Variants in SRGAP1 observed in about 807,000 individuals in gnomAD.
SRGAP1 encodes the protein SLIT-ROBO Rho GTPase-activating protein 1.
A neutral mutation model predicts 121.9 loss-of-function variants in SRGAP1; 43 were observed. The observed-to-expected ratio is 0.35, with a 90% CI of 0.28 to 0.46. The LOEUF (loss-of-function observed/expected upper bound fraction) is 0.46, where lower values mean the gene tolerates loss of function less well. Among genes scored for constraint, SRGAP1 ranks in the 20% least tolerant of loss-of-function variants. The pLI is 1.00. For synonymous variants in SRGAP1, 447 were observed against 485.4 expected (o/e 0.92, Z 1.04); for missense variants, 1,102 against 1,350.9 (o/e 0.82, Z 2.89).
At chr12:64,043,086 T>G in intron 5 of SRGAP1, 114 bp downstream of exon 5, 10 of 726,540 alleles carry the variant, frequency 1.4e-5, no homozygotes, top group Admixed American at 2.7e-5. Flanking sequence ...AGACATGCAT[T>G]TCCTCCCATG....
intron 2 of SRGAP1, 49 bp from the exon 3 acceptor site, chr12:63,989,861 T>C (rs546121443): frequency 7.3e-6 from 11 of 1,516,668 alleles, no homozygotes; most frequent in Non-Finnish European, 9.9e-6. Flanking sequence ...CTCATCTGAT[T>C]GGGGCAACTT....
At chr12:64,061,218 A>G (rs1405251394) in intron 6 of SRGAP1, among the ~76,000 whole-genome samples, 1 of 152,196 alleles carries the variant, frequency 6.6e-6, no homozygotes, top group Non-Finnish European at 1.5e-5. Flanking sequence ...ATTCCTAGGA[A>G]TACTAAATGA....
chr12:64,031,176 G>C (rs944637702), intron 4 of SRGAP1, among the ~76,000 whole-genome samples: 1 of 151,870 alleles, frequency 6.6e-6, no homozygotes, highest in African/African-American at 2.4e-5. Context: ...AAGTTAGCCG[G>C]GTGTGGTGGC....
chr12:63,976,933 G>A (rs2033110428), intron 1 of SRGAP1, among the ~76,000 whole-genome samples: 2 of 151,888 alleles, frequency 1.3e-5, no homozygotes, highest in Admixed American at 6.6e-5. Flanking sequence ...ACATCCTGAC[G>A]CTTCCTAATT....
chr12:63,904,522 A>G (rs542557771), intron 1 of SRGAP1, among the ~76,000 whole-genome samples: 1 of 152,324 alleles, frequency 6.6e-6, no homozygotes, highest in South Asian at 2.1e-4. Context: ...TGTATGTGGC[A>G]CTGTCCTTGT....
chr12:64,153,935 A>G lies in SRGAP1; in HGVS notation c.*11263A>G, dbSNP rs1370279883. Reference sequence around the variant, plus strand: ...AATGGGTAAAGAAAATGTGCCATACACATAAAATAGAATATTATGCAGCCT... The same window carrying G: ...AATGGGTAAAGAAAATGTGCCATACGCATAAAATAGAATATTATGCAGCCT... On this transcript the variant is annotated 3_prime_UTR_variant, in exon 22 of 22. Transcript: ENST00000355086. 1 of 152,236 alleles carries G rather than the reference A, an allele frequency of 6.6e-6. No homozygotes were observed. The highest frequency in any genetic ancestry group is 1.5e-5 in the Non-Finnish European group (1 of 68,038). The allele number at this position is 152,236 out of a possible 1,614,324, so 9.4% of individuals were successfully genotyped here.
rs747601728 is a variant in SRGAP1 at position 64,063,054 on chromosome 12, C to T, written c.939C>T (p.Ser313=). 4.3e-6 allele frequency: 7 copies of T among 1,614,042 alleles called. No individual in the cohort carries two copies. The highest frequency in any genetic ancestry group is 3.3e-5 in the South Asian group (3 of 91,080). The change falls in exon 7 of 22, where the codon AGC becomes AGT. Residue 313 remains serine, a synonymous_variant. Coordinates refer to ENST00000355086, the MANE Select transcript of SRGAP1 (RefSeq NM_020762.4). ...ENAVDNLEPR[S]DKQRFMEMYP... ...CAGTTGATAATTTAGAGCCCAGGAGCGATAAGCAGAGATTCATGGAGATGT... is the reference window on the plus strand; with the variant it reads ...CAGTTGATAATTTAGAGCCCAGGAGTGATAAGCAGAGATTCATGGAGATGT...
intron 1 of SRGAP1, among the ~76,000 whole-genome samples, chr12:63,881,202 G>A (rs1179687168): frequency 6.6e-6 from 1 of 152,160 alleles, no homozygotes; most frequent in African/African-American, 2.4e-5. Context: ...GTGAACATAT[G>A]ACTGGGCTGG....
At chr12:64,025,154 A>T (rs987847503) in intron 4 of SRGAP1, among the ~76,000 whole-genome samples, 3 of 54,610 alleles carry the variant, frequency 5.5e-5, no homozygotes, top group Non-Finnish European at 1.0e-4. Context: ...CGTTTAAATA[A>T]AAAAAAAAAA....
In SRGAP1 at chr12:64,153,110, G is replaced by A. The variant is rs1346627462; in HGVS notation, c.*10438G>A. ...TGTGGTAGCATTTGAGCTAAGACCT[G>A]AATAATGAGAAGGAACCAGCCATGT... On this transcript the variant is annotated 3_prime_UTR_variant, in exon 22 of 22. Transcript: ENST00000355086. The A allele has an allele frequency of 6.6e-6, 1 of 151,610 alleles. No homozygotes were observed. Among genetic ancestry groups the A allele is most frequent in the Non-Finnish European group, 1.5e-5 (1 of 67,988 alleles). The allele number at this position is 151,610 out of a possible 1,614,324, so 9.4% of individuals were successfully genotyped here. A position where few individuals can be genotyped will look rare whatever the true frequency, so the allele number is the denominator to read the frequency against.
chr12:63,901,562 T>C (rs184236571), intron 1 of SRGAP1, among the ~76,000 whole-genome samples: 1 of 152,344 alleles, frequency 6.6e-6, no homozygotes, highest in East Asian at 1.9e-4. Context: ...CGCTCCATAA[T>C]CTTGGCCTAT....
intron 21 of SRGAP1, 130 bp downstream of exon 21, chr12:64,128,330 A>G: frequency 2.1e-6 from 2 of 957,350 alleles, no homozygotes; most frequent in Non-Finnish European, 3.0e-6. Flanking sequence ...TAAAGAAAAC[A>G]GAAACAAAAC....
At chr12:63,861,070 A>G (rs1053654575) in intron 1 of SRGAP1, among the ~76,000 whole-genome samples, 11 of 150,202 alleles carry the variant, frequency 7.3e-5, no homozygotes, top group Middle Eastern at 3.2e-3. Flanking sequence ...CTCAGTTATT[A>G]TTTTTAAAGT....
At chr12:63,937,028 C>T (rs1178626204) in intron 1 of SRGAP1, among the ~76,000 whole-genome samples, 1 of 152,140 alleles carries the variant, frequency 6.6e-6, no homozygotes, top group Non-Finnish European at 1.5e-5. Context: ...AATGCCTGTT[C>T]TATGCCCAGG....
intron 1 of SRGAP1, among the ~76,000 whole-genome samples, chr12:63,915,843 C>T (rs576158020): frequency 6.6e-6 from 1 of 152,256 alleles, no homozygotes; most frequent in East Asian, 1.9e-4. Flanking sequence ...ACGTTTTGAG[C>T]AGCCTTTCAC....
intron 6 of SRGAP1, among the ~76,000 whole-genome samples, chr12:64,049,575 A>G (rs2035198198): frequency 6.6e-6 from 1 of 152,190 alleles, no homozygotes; most frequent in East Asian, 1.9e-4. Flanking sequence ...GGTCCTTCAC[A>G]TGACATGTGG....
intron 3 of SRGAP1, among the ~76,000 whole-genome samples, chr12:64,000,950 A>C (rs2033875648): frequency 3.3e-5 from 5 of 152,228 alleles, no homozygotes; most frequent in Non-Finnish European, 7.3e-5. Context: ...AGGGACCGAT[A>C]ATTAAAAATA....
At chr12:64,031,514 G>A (rs1279028636) in intron 4 of SRGAP1, among the ~76,000 whole-genome samples, 1 of 151,966 alleles carries the variant, frequency 6.6e-6, no homozygotes, top group Admixed American at 6.6e-5. Context: ...TCCTTTGTAG[G>A]AGTTACATAA....
At chr12:63,949,075 TA>T (rs1260211955) in intron 1 of SRGAP1, among the ~76,000 whole-genome samples, 98 of 143,240 alleles carry the variant, frequency 6.8e-4, no homozygotes, top group African/African-American at 2.2e-3. Flanking sequence ...GTATTTTCCA[TA>T]TATGTATTTT....
Sources: gnomAD v4.1 joint callset for allele counts (sites outside exome capture counted in the v4.1 genomes callset) on GRCh38, gnomAD v4.1.1 for gene constraint, MANE v1.5 for transcripts, NCBI Gene and HGNC (gene_info 2026-07-23, HGNC 2026-07-21) for gene names.